Variants in LRRC8B observed in about 807,000 individuals in gnomAD.
LRRC8B encodes leucine rich repeat containing 8 VRAC subunit B.
In LRRC8B, 23 loss-of-function variants were observed where a neutral mutation model predicts 58.8. The observed-to-expected ratio is 0.39, with a 90% CI of 0.28 to 0.55. The LOEUF is 0.55. Ranked by LOEUF, LRRC8B falls within the 20% of genes least tolerant of loss-of-function variation. LRRC8B has a pLI of 0.62. For synonymous variants in LRRC8B, 359 were observed against 374.1 expected (o/e 0.96, Z 0.47); for missense variants, 694 against 936.0 (o/e 0.74, Z 3.37).
chr1:89,575,147 T>C (rs2101029592), intron 3 of LRRC8B, among the ~76,000 whole-genome samples: 1 of 152,302 alleles, frequency 6.6e-6, no homozygotes, highest in South Asian at 2.1e-4. Flanking sequence ...GAGAGTAGAC[T>C]GTGGTGGACT....
chr1:89,536,861 G>C (rs1236126662), intron 1 of LRRC8B, among the ~76,000 whole-genome samples: 1 of 152,090 alleles, frequency 6.6e-6, no homozygotes, highest in East Asian at 1.9e-4. Context: ...AAACCTCAGA[G>C]GGTACTTTTA....
Position 89,593,229 on chromosome 1 carries a change from T to G in LRRC8B, c.*186T>G. On this transcript the variant is annotated 3_prime_UTR_variant, in exon 6 of 6. Coordinates refer to ENST00000330947, the MANE Select transcript of LRRC8B (RefSeq NM_001369817.2). ...ATCTCTGCTAAAACTACAAAAAAAT[T>G]AGCCAGGCGTGGTGGCGTGCGCCTG... 2 of 566,674 alleles carry G rather than the reference T, an allele frequency of 3.5e-6. No individual in the cohort carries two copies. The highest frequency in any genetic ancestry group is 3.1e-6 in the Non-Finnish European group (1 of 322,796). 35.1% of individuals were successfully genotyped at this position (566,674 alleles called of 1,614,324 possible). A position where few individuals can be genotyped will look rare whatever the true frequency, so the allele number is the denominator to read the frequency against.
intron 1 of LRRC8B, chr1:89,527,039 A>G (rs981358230): frequency 6.6e-6 from 1 of 152,244 alleles, no homozygotes; most frequent in Non-Finnish European, 1.5e-5. Context: ...TAAGCCTTCC[A>G]AGTTTTTTAG....
At chr1:89,539,115 A>T (rs748693669) in intron 1 of LRRC8B, among the ~76,000 whole-genome samples, 3 of 152,074 alleles carry the variant, frequency 2.0e-5, no homozygotes, top group Non-Finnish European at 4.4e-5. Context: ...ATTTTAGGGT[A>T]TTTTCTATTG....
At chr1:89,535,977 C>G (rs112424694) in intron 1 of LRRC8B, among the ~76,000 whole-genome samples, 1 of 151,964 alleles carries the variant, frequency 6.6e-6, no homozygotes. Context: ...TTACTGAGTT[C>G]GGAGCCTTTC....
At chr1:89,562,313 G>A (rs1041979236) in intron 1 of LRRC8B, among the ~76,000 whole-genome samples, 2 of 151,896 alleles carry the variant, frequency 1.3e-5, no homozygotes, top group African/African-American at 4.8e-5. Context: ...ATTAACAGGA[G>A]GATCAAATAC....
chr1:89,556,780 C>A (rs1652223591), intron 1 of LRRC8B, among the ~76,000 whole-genome samples: 1 of 152,194 alleles, frequency 6.6e-6, no homozygotes, highest in South Asian at 2.1e-4. Context: ...AATTTAACAC[C>A]AAGGTAAAAA....
chr1:89,552,405 A>G (rs557343318), intron 1 of LRRC8B, among the ~76,000 whole-genome samples: 2 of 152,274 alleles, frequency 1.3e-5, no homozygotes, highest in East Asian at 3.9e-4. Flanking sequence ...AAAAATGTAA[A>G]CCATAGTGAG....
chr1:89,566,235 A>G (rs981115350), intron 1 of LRRC8B, among the ~76,000 whole-genome samples: 2 of 152,242 alleles, frequency 1.3e-5, no homozygotes, highest in African/African-American at 4.8e-5. Flanking sequence ...AAGAAATATT[A>G]GTAAATGACT....
In LRRC8B at chr1:89,594,522, T is replaced by A. The variant is rs1040087629; in HGVS notation, c.*1479T>A. 6.6e-6 allele frequency: 1 copy of A among 152,150 alleles called. No individual in the cohort carries two copies. The highest frequency in any genetic ancestry group is 2.4e-5 in the African/African-American group (1 of 41,456). The allele number at this position is 152,150 out of a possible 1,614,324, so 9.4% of individuals were successfully genotyped here. On this transcript the variant is annotated 3_prime_UTR_variant, in exon 6 of 6. Coordinates refer to ENST00000330947, the MANE Select transcript of LRRC8B (RefSeq NM_001369817.2). Reference sequence around the variant, plus strand: ...TTAGTAAGAGTTAAAGCAAAAGACTTTTTTTCCCTCCATCTATGTAATCTC... The same window carrying A: ...TTAGTAAGAGTTAAAGCAAAAGACTATTTTTCCCTCCATCTATGTAATCTC...
At chr1:89,560,281 C>T (rs574769537) in intron 1 of LRRC8B, among the ~76,000 whole-genome samples, 1 of 152,266 alleles carries the variant, frequency 6.6e-6, no homozygotes, top group South Asian at 2.1e-4. Flanking sequence ...AATCACATTA[C>T]TACATTCCCC....
At position 89,596,028 on chromosome 1, in the gene LRRC8B, T is replaced by C. The variant is rs1655274395; in HGVS notation, c.*2985T>C. The C allele has an allele frequency of 6.6e-6, 1 of 152,090 alleles. No homozygotes were observed. Among genetic ancestry groups the C allele is most frequent in the East Asian group, 1.9e-4 (1 of 5,202 alleles). 9.4% of individuals were successfully genotyped at this position (152,090 alleles called of 1,614,324 possible). A position where few individuals can be genotyped will look rare whatever the true frequency, so the allele number is the denominator to read the frequency against. On this transcript the variant is annotated 3_prime_UTR_variant, in exon 6 of 6. Transcript: ENST00000330947. ...ACACACATACTTCATATATGCAAAT[T>C]ATAGCATTAGTTTTTGATATATCTA...
At chr1:89,557,129 G>A (rs1305015246) in intron 1 of LRRC8B, among the ~76,000 whole-genome samples, 7 of 152,180 alleles carry the variant, frequency 4.6e-5, no homozygotes, top group Admixed American at 4.6e-4. Flanking sequence ...TACTGAGATG[G>A]TTGTTTTGTC....
intron 4 of LRRC8B, among the ~76,000 whole-genome samples, chr1:89,580,786 C>G (rs1654162812): frequency 2.6e-5 from 4 of 152,058 alleles, no homozygotes; most frequent in Admixed American, 6.6e-5. Flanking sequence ...AGAGAGGACA[C>G]AAGCAGAAAG....
At chr1:89,565,285 A>G (rs1652965564) in intron 1 of LRRC8B, among the ~76,000 whole-genome samples, 1 of 152,186 alleles carries the variant, frequency 6.6e-6, no homozygotes. Flanking sequence ...TGGAAAAGGG[A>G]ATGATTGTGA....
At chr1:89,571,226 T>C (rs933588352) in intron 3 of LRRC8B, among the ~76,000 whole-genome samples, 2 of 152,218 alleles carry the variant, frequency 1.3e-5, no homozygotes, top group African/African-American at 4.8e-5. Context: ...AGTTTTAAAA[T>C]AGTTTTTTCT....
chr1:89,577,114 G>A (rs1053222733), intron 3 of LRRC8B, among the ~76,000 whole-genome samples: 2 of 152,178 alleles, frequency 1.3e-5, no homozygotes, highest in African/African-American at 4.8e-5. Context: ...TGAGAGTAGT[G>A]TAGAGAACCG....
At chr1:89,541,359 A>G (rs1650953270) in intron 1 of LRRC8B, among the ~76,000 whole-genome samples, 1 of 152,180 alleles carries the variant, frequency 6.6e-6, no homozygotes, top group Non-Finnish European at 1.5e-5. Flanking sequence ...TGATGTTGTC[A>G]TCACTGTGAA....
intron 3 of LRRC8B, among the ~76,000 whole-genome samples, chr1:89,573,751 A>G (rs1170487393): frequency 1.3e-5 from 2 of 152,224 alleles, no homozygotes; most frequent in Non-Finnish European, 2.9e-5. Flanking sequence ...TAGAGGGGAC[A>G]GCAATTCTGT....
Sources: allele counts gnomAD v4.1 joint callset (sites outside exome capture counted in the v4.1 genomes callset), GRCh38; gene constraint gnomAD v4.1.1; transcripts MANE v1.5; gene names NCBI Gene and HGNC (gene_info 2026-07-23, HGNC 2026-07-21).